CCDC149: variants seen among roughly 807,000 people sequenced by gnomAD.
CCDC149 encodes the protein coiled-coil domain-containing protein 149.
Under a neutral mutation model 59.9 loss-of-function variants are expected in CCDC149, and 45 were observed. That is an observed-to-expected ratio of 0.75 (90% CI 0.59 to 0.96). CCDC149 has a LOEUF of 0.96. Ranked by LOEUF, CCDC149 falls within the 40% of genes least tolerant of loss-of-function variation. The pLI, the probability that CCDC149 is intolerant of heterozygous loss-of-function variation, is 0.00. For synonymous variants in CCDC149, 245 were observed against 260.6 expected (o/e 0.94, Z 0.58); for missense variants, 584 against 664.7 (o/e 0.88, Z 1.33).
At chr4:24,929,401 C>T (rs1047136080) in intron 1 of CCDC149, among the ~76,000 whole-genome samples, 2 of 152,186 alleles carry the variant, frequency 1.3e-5, no homozygotes, top group South Asian at 2.1e-4. Context: ...CTTAGCGCCA[C>T]CACCGCTATC....
chr4:24,913,331 C>A (rs1388977534), upstream of CCDC149, among the ~76,000 whole-genome samples: 1 of 152,214 alleles, frequency 6.6e-6, no homozygotes, highest in African/African-American at 2.4e-5. Context: ...ACTCCCACGC[C>A]TAGAATGCAA....
chr4:24,852,598 T>A (rs761792515), intron 4 of CCDC149, among the ~76,000 whole-genome samples: 2 of 152,182 alleles, frequency 1.3e-5, no homozygotes. Flanking sequence ...TACCAAGCAG[T>A]GGATTTTGAG....
chr4:24,878,235 A>AG (rs1560233203), intron 1 of CCDC149, among the ~76,000 whole-genome samples: 9 of 147,220 alleles, frequency 6.1e-5, no homozygotes, highest in Non-Finnish European at 7.5e-5. Context: ...AAAAAAAAAA[A>AG]AAAGAAAGTA....
chr4:24,954,927 A>T (rs1167895944), intron 1 of CCDC149, among the ~76,000 whole-genome samples: 5 of 152,210 alleles, frequency 3.3e-5, no homozygotes, highest in South Asian at 2.1e-4. Context: ...GAGAATTTTT[A>T]AAATTTCTAC....
At chr4:24,974,025 A>G (rs2109369950) in intron 1 of CCDC149, among the ~76,000 whole-genome samples, 1 of 152,350 alleles carries the variant, frequency 6.6e-6, no homozygotes, top group East Asian at 1.9e-4. Flanking sequence ...GCTTCGGAAG[A>G]GTATTTTTAG....
chr4:24,822,312 C>G (rs1017437758), intron 10 of CCDC149, among the ~76,000 whole-genome samples, 185 bp downstream of exon 10: 1 of 152,088 alleles, frequency 6.6e-6, no homozygotes, highest in African/African-American at 2.4e-5. Flanking sequence ...ATTCTACCCC[C>G]ACCCTGCCAT....
intron 10 of CCDC149, 78 bp downstream of exon 10, chr4:24,822,419 G>A: frequency 1.1e-6 from 1 of 908,036 alleles, no homozygotes; most frequent in Non-Finnish European, 1.6e-6. Flanking sequence ...GAAGACTCTT[G>A]TAAATTACGT....
intron 3 of CCDC149, among the ~76,000 whole-genome samples, chr4:24,873,437 C>T (rs1237731396): frequency 6.6e-6 from 1 of 152,228 alleles, no homozygotes; most frequent in Admixed American, 6.5e-5. Flanking sequence ...CTCTATCTCC[C>T]ATCAGGATTC....
chr4:24,837,505 T>C lies in CCDC149; in HGVS notation c.490-105A>G, dbSNP rs1006948383. 9.6e-7 allele frequency: 1 copy of C among 1,043,658 alleles called. No homozygotes were observed. The highest frequency in any genetic ancestry group is 1.4e-6 in the Non-Finnish European group (1 of 701,244). 64.6% of individuals were successfully genotyped at this position (1,043,658 alleles called of 1,614,324 possible). A position where few individuals can be genotyped will look rare whatever the true frequency, so the allele number is the denominator to read the frequency against. ...GTTGACTGATTTTTAGAGAGTTTAT[T>C]AACACTACCCGCATGCCCTAAAGCC... On this transcript the variant is annotated intron_variant, in intron 5 of 12. Coordinates refer to ENST00000635206, the MANE Select transcript of CCDC149 (RefSeq NM_001330643.2). This position sits in a 1 kb window ranked among gnomAD's most constrained non-coding sequence, Gnocchi z 4.3.
intron 4 of CCDC149, among the ~76,000 whole-genome samples, chr4:24,844,375 T>G (rs990473356): frequency 6.6e-6 from 1 of 152,136 alleles, no homozygotes; most frequent in East Asian, 1.9e-4. Flanking sequence ...CTCTTTACAG[T>G]AGCGAGAACC....
intron 1 of CCDC149, among the ~76,000 whole-genome samples, chr4:24,938,669 A>G (rs985010783): frequency 6.6e-6 from 1 of 152,212 alleles, no homozygotes; most frequent in African/African-American, 2.4e-5. Context: ...GACAGACAGC[A>G]CCTGGAAAAT....
In CCDC149 at chr4:24,912,929, C is replaced by G; in HGVS notation, c.-50G>C. 1 of 1,136,892 alleles carries G rather than the reference C, an allele frequency of 8.8e-7. No homozygotes were observed. The highest frequency in any genetic ancestry group is 1.1e-6 in the Non-Finnish European group (1 of 884,456). 70.4% of individuals were successfully genotyped at this position (1,136,892 alleles called of 1,614,324 possible). A position where few individuals can be genotyped will look rare whatever the true frequency, so the allele number is the denominator to read the frequency against. ...CGCCGCCTCCTCCTCCTCGCGACGT[C>G]GCGTCGCCGCCGCCGCCCGGGCCCC... is the stretch of plus-strand genomic sequence containing the variant. On this transcript the variant is annotated 5_prime_UTR_variant, in exon 1 of 13. Coordinates refer to ENST00000635206, the MANE Select transcript of CCDC149 (RefSeq NM_001330643.2).
intron 1 of CCDC149, among the ~76,000 whole-genome samples, chr4:24,881,208 A>C (rs1719823320): frequency 6.6e-6 from 1 of 152,204 alleles, no homozygotes. Flanking sequence ...CCAAACGTCT[A>C]TTGGGTCAAT....
chr4:24,863,936 A>C (rs529387068), intron 3 of CCDC149, among the ~76,000 whole-genome samples: 56 of 152,348 alleles, frequency 3.7e-4, no homozygotes, highest in African/African-American at 1.3e-3. Flanking sequence ...CATAAGGGAC[A>C]AATATATCTG....
At chr4:24,880,961 A>G (rs777649980) in intron 1 of CCDC149, among the ~76,000 whole-genome samples, 27 of 152,332 alleles carry the variant, frequency 1.8e-4, no homozygotes, top group African/African-American at 6.5e-4. Flanking sequence ...ATATCACTGG[A>G]TGTAAAAAGT....
intron 1 of CCDC149, among the ~76,000 whole-genome samples, chr4:24,961,971 C>A (rs10939021): frequency 0.75 from 112,656 of 149,712 alleles, 42,626 homozygotes; most frequent in African/African-American, 0.79. Context: ...GGATCTAATT[C>A]AACTAAAGAG....
intron 1 of CCDC149, among the ~76,000 whole-genome samples, chr4:24,972,482 A>AT (rs917917688): frequency 2.2e-4 from 34 of 151,830 alleles, no homozygotes; most frequent in African/African-American, 6.8e-4. Context: ...TAATTTTTGC[A>AT]TTTTTTGTAG....
intron 1 of CCDC149, among the ~76,000 whole-genome samples, chr4:24,952,560 C>T (rs1723322969): frequency 8.2e-6 from 1 of 122,194 alleles, no homozygotes; most frequent in Non-Finnish European, 1.6e-5. Flanking sequence ...CACACTACTG[C>T]ACTCCAGCCT....
At chr4:24,827,050 G>A (rs1715795701) in intron 9 of CCDC149, 1 of 152,174 alleles carries the variant, frequency 6.6e-6, no homozygotes, top group African/African-American at 2.4e-5. Context: ...AGTAGTCTAG[G>A]AAAATCTCTC....
Sources: gnomAD v4.1 joint callset for allele counts (sites outside exome capture counted in the v4.1 genomes callset) on GRCh38, gnomAD v4.1.1 for gene constraint, Gnocchi (gnomAD v3.1) non-coding constraint, MANE v1.5 for transcripts, NCBI Gene and HGNC (gene_info 2026-07-23, HGNC 2026-07-21) for gene names.